Variants in ULK4 observed in about 807,000 individuals in gnomAD.
ULK4 encodes inactive serine/threonine-protein kinase ULK4.
ULK4 carries 133 observed loss-of-function variants against 160.6 expected under a neutral mutation model. That is an observed-to-expected ratio of 0.83 (90% CI 0.72 to 0.96). The LOEUF is 0.96. ULK4 is among the 40% of genes least tolerant of loss of function. ULK4 has a pLI of 0.00. For missense variants in ULK4, 1,580 were observed against 1,499.5 expected (o/e 1.05, Z -0.89); for synonymous variants, 534 against 539.8 (o/e 0.99, Z 0.15).
chr3:41,489,223 C>T (rs932264322), intron 32 of ULK4, among the ~76,000 whole-genome samples: 4 of 152,162 alleles, frequency 2.6e-5, no homozygotes, highest in African/African-American at 4.8e-5. Flanking sequence ...ATTTTTCTTA[C>T]TAAAGTCATG....
intron 35 of ULK4, among the ~76,000 whole-genome samples, chr3:41,351,335 T>C (rs762273833): frequency 6.6e-6 from 1 of 152,182 alleles, no homozygotes; most frequent in East Asian, 1.9e-4. Flanking sequence ...TAATGGGGTT[T>C]CCTTATTCAC....
At chr3:41,943,174 C>T (rs184939742) in intron 2 of ULK4, among the ~76,000 whole-genome samples, 1,872 of 150,514 alleles carry the variant, frequency 0.012, 38 homozygotes, top group African/African-American at 0.044. Flanking sequence ...GATCGTGCCA[C>T]CGCACTCCAG....
At chr3:41,633,321 T>C (rs925436372) in intron 30 of ULK4, among the ~76,000 whole-genome samples, 7 of 152,082 alleles carry the variant, frequency 4.6e-5, no homozygotes, top group African/African-American at 1.7e-4. Flanking sequence ...TCATGATATA[T>C]GAAAACTGTA....
chr3:41,803,592 G>A (rs373864741), intron 19 of ULK4, among the ~76,000 whole-genome samples: 4 of 151,950 alleles, frequency 2.6e-5, no homozygotes, highest in Admixed American at 6.6e-5. Flanking sequence ...CCATTAACTC[G>A]TCATTTAACA....
At chr3:41,867,517 G>A (rs1336061526) in intron 17 of ULK4, among the ~76,000 whole-genome samples, 1 of 152,222 alleles carries the variant, frequency 6.6e-6, no homozygotes. Flanking sequence ...GATTACCGGT[G>A]TGTACCACCA....
At chr3:41,559,560 T>C (rs1272321154) in intron 32 of ULK4, among the ~76,000 whole-genome samples, 1 of 151,650 alleles carries the variant, frequency 6.6e-6, no homozygotes, top group Non-Finnish European at 1.5e-5. Context: ...TTTTTAATGA[T>C]TGCCATTCTA....
At chr3:41,326,694 G>C (rs1195536884) in intron 35 of ULK4, among the ~76,000 whole-genome samples, 1 of 152,106 alleles carries the variant, frequency 6.6e-6, no homozygotes, top group Non-Finnish European at 1.5e-5. Context: ...TGTTTCTAAT[G>C]GTTTCTTCCT....
chr3:41,740,959 C>A (rs534519386), intron 22 of ULK4, among the ~76,000 whole-genome samples: 1 of 151,932 alleles, frequency 6.6e-6, no homozygotes, highest in Admixed American at 6.6e-5. Flanking sequence ...GGAACAGCTA[C>A]TAACTATTTT....
In ULK4 at chr3:41,882,752, T is replaced by C. The variant is rs977922397; in HGVS notation, c.1656+1122A>G. Among the ~76,000 whole-genome samples, 9 of 152,196 alleles carry C rather than the reference T, an allele frequency of 5.9e-5. No individual in the cohort carries two copies. In the South Asian group the frequency reaches 1.7e-3, roughly 28 times the overall value. The stretch of plus-strand genomic sequence containing the variant: ...GAACATCCTCTAAAATCTTGGCACT[T>C]TGTCTTGGACTTTAAGTTCTCTCCC... On this transcript the variant is annotated intron_variant, in intron 17 of 36. Transcript: ENST00000301831.
chr3:41,410,740 T>A (rs956898732), intron 34 of ULK4, among the ~76,000 whole-genome samples: 1 of 152,224 alleles, frequency 6.6e-6, no homozygotes, highest in East Asian at 1.9e-4. Flanking sequence ...TACTTTCTAA[T>A]TCATTCTCTG....
At chr3:41,521,820 C>G (rs991684011) in intron 32 of ULK4, among the ~76,000 whole-genome samples, 7 of 152,150 alleles carry the variant, frequency 4.6e-5, no homozygotes, top group African/African-American at 1.7e-4. Flanking sequence ...GAGATTAAGA[C>G]CCAAAAGATC....
At chr3:41,636,300 C>T (rs924243589) in intron 30 of ULK4, among the ~76,000 whole-genome samples, 3 of 152,014 alleles carry the variant, frequency 2.0e-5, no homozygotes, top group African/African-American at 4.8e-5. Flanking sequence ...TTTGGGAGGC[C>T]GAGGTGGGTG....
chr3:41,452,902 T>C (rs1028366139), intron 34 of ULK4, among the ~76,000 whole-genome samples: 1 of 152,132 alleles, frequency 6.6e-6, no homozygotes, highest in Non-Finnish European at 1.5e-5. Context: ...AGTGAGACTA[T>C]TCCCAAACAT....
intron 35 of ULK4, among the ~76,000 whole-genome samples, chr3:41,272,948 T>A (rs1282273786): frequency 6.6e-6 from 1 of 152,194 alleles, no homozygotes; most frequent in Admixed American, 6.5e-5. Flanking sequence ...CCTCCATGTC[T>A]CTGGCTAAAA....
intron 30 of ULK4, among the ~76,000 whole-genome samples, chr3:41,661,917 T>C (rs1436725075): frequency 1.3e-5 from 2 of 152,036 alleles, no homozygotes; most frequent in Non-Finnish European, 2.9e-5. Flanking sequence ...CTCTTCAATA[T>C]GAGGAAATTA....
At chr3:41,960,058 TA>T (rs1192215516) in intron 1 of ULK4, among the ~76,000 whole-genome samples, 9 of 131,590 alleles carry the variant, frequency 6.8e-5, no homozygotes, top group Non-Finnish European at 1.5e-4. Context: ...TTTTTTTTTT[TA>T]AAGGAGGCTA....
At chr3:41,730,815 T>G (rs1471005552) in intron 22 of ULK4, among the ~76,000 whole-genome samples, 2 of 152,150 alleles carry the variant, frequency 1.3e-5, no homozygotes, top group Non-Finnish European at 2.9e-5. Flanking sequence ...CCAATATCCT[T>G]GATGAAAAAC....
At chr3:41,717,691 A>G (rs1559505265) in intron 23 of ULK4, 37 bp downstream of exon 23, 1 of 1,574,600 alleles carries the variant, frequency 6.4e-7, no homozygotes, top group Non-Finnish European at 8.7e-7. Flanking sequence ...GAAACGTAAA[A>G]GCAGAAATGG....
chr3:41,387,922 A>T (rs1485039968), intron 35 of ULK4, among the ~76,000 whole-genome samples: 1 of 152,162 alleles, frequency 6.6e-6, no homozygotes, highest in Non-Finnish European at 1.5e-5. Context: ...TGGTATTTCT[A>T]GTTCTAGATC....
Sources: gnomAD v4.1 joint callset for allele counts (sites outside exome capture counted in the v4.1 genomes callset) on GRCh38, gnomAD v4.1.1 for gene constraint, MANE v1.5 for transcripts, NCBI Gene and HGNC (gene_info 2026-07-23, HGNC 2026-07-21) for gene names.